DUSP16: variants seen among roughly 807,000 people sequenced by gnomAD.
The protein encoded by DUSP16 is dual specificity phosphatase 16.
A neutral mutation model predicts 58.3 loss-of-function variants in DUSP16; 21 were observed. The observed-to-expected ratio is 0.36, with a 90% CI of 0.26 to 0.52. The LOEUF (loss-of-function observed/expected upper bound fraction) is 0.52. Among genes scored for constraint, DUSP16 ranks in the 20% least tolerant of loss-of-function variants. DUSP16 has a pLI of 0.94. For missense variants in DUSP16, 726 were observed against 819.0 expected (o/e 0.89, Z 1.39); for synonymous variants, 320 against 323.8 (o/e 0.99, Z 0.12).
intron 5 of DUSP16, among the ~76,000 whole-genome samples, chr12:12,482,495 A>G (rs888440072): frequency 2.6e-5 from 4 of 151,896 alleles, no homozygotes; most frequent in African/African-American, 4.8e-5. Context: ...ATCTTGGGAG[A>G]CATGAGCCCT....
intron 1 of DUSP16, among the ~76,000 whole-genome samples, chr12:12,543,120 A>G (rs1944590496): frequency 1.3e-5 from 2 of 152,216 alleles, no homozygotes. Flanking sequence ...TAGCAACCCA[A>G]GCAAACTAAG....
At chr12:12,531,014 T>G (rs920406919) in intron 1 of DUSP16, among the ~76,000 whole-genome samples, 2 of 152,206 alleles carry the variant, frequency 1.3e-5, no homozygotes, top group African/African-American at 4.8e-5. Context: ...ATAATCTTTA[T>G]CTATTAATAT....
At chr12:12,550,002 G>A (rs114948744) in intron 1 of DUSP16, among the ~76,000 whole-genome samples, 264 of 152,208 alleles carry the variant, frequency 1.7e-3, no homozygotes, top group African/African-American at 5.8e-3. Flanking sequence ...ATTTAGATGC[G>A]TGTATCAGAC....
chr12:12,536,835 C>T lies in DUSP16; in HGVS notation c.-365-15372G>A, dbSNP rs113516171. ...GGCGGATCGCCTGAGGTCGGGAGTT[C>T]GAGACCAGCCTGACAAACATGGAGA... On this transcript the variant is annotated intron_variant, in intron 1 of 6. Transcript: ENST00000298573. Among the ~76,000 whole-genome samples, 103 of 152,048 alleles carry T rather than the reference C, an allele frequency of 6.8e-4. 1 individual carries two copies. The highest frequency in any genetic ancestry group is 2.4e-3 in the African/African-American group (100 of 41,480).
In DUSP16 at chr12:12,562,208, G is replaced by C. The variant is rs570081560; in HGVS notation, c.-457C>G. On this transcript the variant is annotated 5_prime_UTR_variant, in exon 1 of 7. Coordinates refer to ENST00000298573, the MANE Select transcript of DUSP16 (RefSeq NM_030640.3). Reference sequence around the variant, plus strand: ...GGCCCCCCTCGCCTCCCGGACTTGCGAGGCGCCGCCGCGGAGCCGAGAGGG... The same window carrying C: ...GGCCCCCCTCGCCTCCCGGACTTGCCAGGCGCCGCCGCGGAGCCGAGAGGG... The C allele has an allele frequency of 6.6e-6, 1 of 152,098 alleles. No individual in the cohort carries two copies. Among genetic ancestry groups the C allele is most frequent in the Non-Finnish European group, 1.5e-5 (1 of 68,086 alleles). The allele number at this position is 152,098 out of a possible 1,614,324, so 9.4% of individuals were successfully genotyped here.
chr12:12,548,029 T>C (rs186165143), intron 1 of DUSP16, among the ~76,000 whole-genome samples: 75 of 152,268 alleles, frequency 4.9e-4, no homozygotes, highest in Admixed American at 7.8e-4. Context: ...GTACCAGTAA[T>C]AGCAGAAGAA....
chr12:12,496,386 C>G (rs1943828037), intron 4 of DUSP16, among the ~76,000 whole-genome samples: 1 of 152,154 alleles, frequency 6.6e-6, no homozygotes, highest in African/African-American at 2.4e-5. Flanking sequence ...GAGAATGTAG[C>G]AGTCAGTCTT....
At chr12:12,524,893 C>T (rs1385616425) in intron 1 of DUSP16, among the ~76,000 whole-genome samples, 3 of 151,936 alleles carry the variant, frequency 2.0e-5, no homozygotes, top group Non-Finnish European at 2.9e-5. Context: ...TTTAAAATTG[C>T]CACGATATTG....
At chr12:12,516,028 G>A (rs150860045) in intron 3 of DUSP16, among the ~76,000 whole-genome samples, 42,306 of 151,784 alleles carry the variant, frequency 0.28, 7,284 homozygotes, top group Middle Eastern at 0.42. Context: ...CACCCACCTC[G>A]GCCTCCCAAA....
rs1205531323 is a variant in DUSP16, at chr12:12,473,652, A to G, written c.*3181T>C. 6.6e-6 allele frequency among the ~76,000 whole-genome samples: 1 copy of G among 152,196 alleles called. No homozygotes were observed. The highest frequency in any genetic ancestry group is 1.5e-5 in the Non-Finnish European group (1 of 68,034). ...CAAGGTCACCTGTGATTCTTTCTGT[A>G]GTCAATATTCCATCTGTTTGCACTG... On this transcript the variant is annotated 3_prime_UTR_variant, in exon 7 of 7. Transcript: ENST00000298573.
chr12:12,520,837 T>C (rs754896002), intron 2 of DUSP16, 34 bp downstream of exon 2: 1 of 1,609,378 alleles, frequency 6.2e-7, no homozygotes, highest in Non-Finnish European at 8.5e-7. Flanking sequence ...AGTGTGTCCA[T>C]TTATTTTGAA....
rs1249887828 is a variant in DUSP16 at position 12,540,143 on chromosome 12, A to C, written c.-365-18680T>G. On this transcript the variant is annotated intron_variant, in intron 1 of 6. Coordinates refer to ENST00000298573, the MANE Select transcript of DUSP16 (RefSeq NM_030640.3). The stretch of plus-strand genomic sequence containing the variant: ...CCGACTCTACTTTAAAAAAAAAAAA[A>C]ACTAAAAAAAAACATCAGCCAGGTG... Among the ~76,000 whole-genome samples, 4 of 151,204 alleles carry C rather than the reference A, an allele frequency of 2.6e-5. No individual in the cohort carries two copies. The East Asian group carries it at 7.8e-4, about 29-fold the overall frequency.
chr12:12,545,713 C>T (rs966746965), intron 1 of DUSP16, among the ~76,000 whole-genome samples: 15 of 152,146 alleles, frequency 9.9e-5, no homozygotes, highest in African/African-American at 3.1e-4. Context: ...AGATGCAGAA[C>T]GTTTCCATCG....
intron 4 of DUSP16, among the ~76,000 whole-genome samples, chr12:12,499,228 G>A (rs1943875224): frequency 6.6e-6 from 1 of 152,160 alleles, no homozygotes; most frequent in East Asian, 1.9e-4. Context: ...CTGATCTGAA[G>A]ATTAAATAAA....
At position 12,473,786 on chromosome 12, in the gene DUSP16, T is replaced by C. The variant is rs1213165909; in HGVS notation, c.*3047A>G. ...TGAGCAGAGAGGTTGTTGAGATGTA[T>C]GTGGCAAGGACAAAGGACAGCTCTT... On this transcript the variant is annotated 3_prime_UTR_variant, in exon 7 of 7. Transcript: ENST00000298573. Among the ~76,000 whole-genome samples the C allele has an allele frequency of 6.6e-6, 1 of 152,218 alleles. No individual in the cohort carries two copies. Among genetic ancestry groups the C allele is most frequent in the Admixed American group, 6.5e-5 (1 of 15,282 alleles).
At position 12,500,522 on chromosome 12, in the gene DUSP16, G is replaced by A. The variant is rs747716879; in HGVS notation, c.528C>T (p.Asn176=). The A allele has an allele frequency of 6.2e-7, 1 of 1,606,430 alleles. No homozygotes were observed. The highest frequency in any genetic ancestry group is 1.1e-5 in the South Asian group (1 of 89,452). The change falls in exon 4 of 7, where the codon AAC becomes AAT. Residue 176 remains asparagine, a synonymous_variant. Transcript: ENST00000298573. ...LYLGCQRDVL[N]KELMQQNGIG... is the part of the protein sequence containing the mutation. ...AGGATATTTTCAAAGCACCCACCTTGTTGAGGACATCTCGCTGGCAGCCAA... is the reference window on the plus strand; with the variant it reads ...AGGATATTTTCAAAGCACCCACCTTATTGAGGACATCTCGCTGGCAGCCAA...
chr12:12,535,967 T>C (rs2136246295), intron 1 of DUSP16, among the ~76,000 whole-genome samples: 1 of 152,364 alleles, frequency 6.6e-6, no homozygotes, highest in South Asian at 2.1e-4. Flanking sequence ...TAAAGAATCC[T>C]GAAGTCTAAA....
intron 3 of DUSP16, among the ~76,000 whole-genome samples, chr12:12,505,590 T>C (rs986539042): frequency 2.6e-5 from 4 of 152,216 alleles, no homozygotes; most frequent in African/African-American, 9.7e-5. Flanking sequence ...TCAGAGGAGA[T>C]GCAATTCTGC....
In DUSP16 at chr12:12,562,464, T is replaced by G; in HGVS notation, c.-713A>C. On this transcript the variant is annotated 5_prime_UTR_variant, in exon 1 of 7. Coordinates refer to ENST00000298573, the MANE Select transcript of DUSP16 (RefSeq NM_030640.3). ...GAGGTAAAGGTGGGGGGCCGCGTTGTGAAAGTGGGGGTTGGGGGGGAGAGA... is the reference window on the plus strand; with the variant it reads ...GAGGTAAAGGTGGGGGGCCGCGTTGGGAAAGTGGGGGTTGGGGGGGAGAGA... The G allele has an allele frequency of 7.2e-6, 1 of 139,356 alleles. No individual in the cohort carries two copies. The allele number at this position is 139,356 out of a possible 1,614,324, so 8.6% of individuals were successfully genotyped here. A position where few individuals can be genotyped will look rare whatever the true frequency, so the allele number is the denominator to read the frequency against.
Sources: allele counts gnomAD v4.1 joint callset (sites outside exome capture counted in the v4.1 genomes callset), GRCh38; gene constraint gnomAD v4.1.1; transcripts MANE v1.5; gene names NCBI Gene and HGNC (gene_info 2026-07-23, HGNC 2026-07-21).